PSG2: variants seen among roughly 807,000 people sequenced by gnomAD.
PSG2 encodes the protein pregnancy specific beta-1-glycoprotein 2, also known as pregnancy-specific beta-1-glycoprotein 2.
PSG2 carries 49 observed loss-of-function variants against 36.2 expected under a neutral mutation model. The observed-to-expected ratio is 1.35, with a 90% CI of 1.08 to 1.72. The LOEUF is 1.72. PSG2 is among the 40% of genes most tolerant of loss of function. PSG2 has a pLI of 0.00. For missense variants in PSG2, 605 were observed against 407.2 expected (o/e 1.49, Z -4.18); for synonymous variants, 261 against 155.6 (o/e 1.68, Z -5.04).
chr19:43,077,481 G>C (rs1409521680), intron 2 of PSG2, among the ~76,000 whole-genome samples: 1 of 151,780 alleles, frequency 6.6e-6, no homozygotes, highest in South Asian at 2.1e-4. Context: ...CTTAAGCTCA[G>C]GAAACACCAC....
chr19:43,078,918 G>C (rs1312177085), intron 2 of PSG2, among the ~76,000 whole-genome samples: 1 of 151,534 alleles, frequency 6.6e-6, no homozygotes, highest in Non-Finnish European at 1.5e-5. Context: ...AGCCCTTGAT[G>C]GGAATACAGT....
At chr19:43,066,822 C>T (rs1361710590) in intron 4 of PSG2, among the ~76,000 whole-genome samples, 3 of 151,146 alleles carry the variant, frequency 2.0e-5, no homozygotes, top group Non-Finnish European at 2.9e-5. Context: ...TTCTCTACTG[C>T]ACTCAGATAT....
chr19:43,065,136 A>G (rs1415667645), intron 5 of PSG2, among the ~76,000 whole-genome samples: 1 of 151,792 alleles, frequency 6.6e-6, no homozygotes, highest in Non-Finnish European at 1.5e-5. Flanking sequence ...CGCTCAGCCT[A>G]GAATACTCAT....
intron 4 of PSG2, among the ~76,000 whole-genome samples, chr19:43,067,782 G>T (rs945289548): frequency 2.6e-5 from 4 of 151,312 alleles, no homozygotes; most frequent in Admixed American, 2.6e-4. Context: ...TAAAAGAATG[G>T]TATGAAGAAA....
rs1461778104 is a variant in PSG2, at chr19:43,080,894, G to A, written c.417C>T (p.Thr139=). ...DGTRGVTGYF[T]FTLYLETPKP... ...GGAATCACTTACGGTATAAGGTGAA[G>A]GTGAAATATCCAGTTACTCCTCTAG... Residue 139 remains threonine (T), a synonymous_variant, in exon 2 of 6, where the codon ACC becomes ACT. Transcript: ENST00000406487. 2 of 1,612,268 alleles carry A rather than the reference G, an allele frequency of 1.2e-6. No individual in the cohort carries two copies. Among genetic ancestry groups the A allele is most frequent in the Admixed American group, 3.3e-5 (2 of 59,906 alleles).
rs754557316 is a variant in PSG2, at chr19:43,075,307, G to T, written c.709+47C>A. The T allele has an allele frequency of 3.7e-6, 6 of 1,613,016 alleles. No individual in the cohort carries two copies. The African/African-American group carries it at 6.7e-5, about 18-fold the overall frequency. On this transcript the variant is annotated intron_variant, in intron 3 of 5. Transcript: ENST00000406487. ...TGAGAGGCCTGGCCTCTGGCCATGT[G>T]TATTTGGGATGGCAGTCTGGCCCAC...
At chr19:43,075,265 T>C (rs553004448) in intron 3 of PSG2, 89 bp downstream of exon 3, 2 of 1,610,880 alleles carry the variant, frequency 1.2e-6, no homozygotes, top group East Asian at 2.2e-5. Context: ...GTCTCTGTAC[T>C]TGGACCTGAG....
intron 4 of PSG2, among the ~76,000 whole-genome samples, chr19:43,070,226 T>G (rs1024646797): frequency 6.6e-6 from 1 of 151,526 alleles, no homozygotes; most frequent in South Asian, 2.1e-4. Flanking sequence ...GATGGAAAAA[T>G]TGGAGCTCTA....
In PSG2 at chr19:43,078,215, T is replaced by C. The variant is rs557098654; in HGVS notation, c.431-2583A>G. On this transcript the variant is annotated intron_variant, in intron 2 of 5. Coordinates refer to ENST00000406487, the MANE Select transcript of PSG2 (RefSeq NM_031246.4). ...GGGAGGAATTTAGTTTATGGTTTAA[T>C]TTTGAAGCAAGAATGATAATAGTTC... Among the ~76,000 whole-genome samples, 104 of 151,842 alleles carry C rather than the reference T, an allele frequency of 6.8e-4. 3 individuals carry two copies. The highest frequency in any genetic ancestry group is 2.4e-3 in the African/African-American group (100 of 41,214).
intron 1 of PSG2, 35 bp from the exon 2 acceptor site, chr19:43,081,281 A>G (rs1172279358): frequency 1.9e-6 from 3 of 1,594,794 alleles, no homozygotes; most frequent in African/African-American, 1.4e-5. Flanking sequence ...CAATATTGAG[A>G]CCTATGTATT....
rs1357576854 is a variant in PSG2 at position 43,082,632 on chromosome 19, G to T, written c.-63C>A. 1 of 1,592,424 alleles carries T rather than the reference G, an allele frequency of 6.3e-7. No homozygotes were observed. Among genetic ancestry groups the T allele is most frequent in the Non-Finnish European group, 8.6e-7 (1 of 1,164,414 alleles). Reference sequence around the variant, plus strand: ...AGCCTAGGATCCAGAAACTTCCTGAGCACGGCTGTCAGCTGTGCTGTCCTT... The same window carrying T: ...AGCCTAGGATCCAGAAACTTCCTGATCACGGCTGTCAGCTGTGCTGTCCTT... On this transcript the variant is annotated 5_prime_UTR_variant, in exon 1 of 6. Transcript: ENST00000406487.
In PSG2 at chr19:43,080,897, G is replaced by A; in HGVS notation, c.414C>T (p.Phe138=). ...GDGTRGVTGY[F]TFTLYLETPK... is the part of the protein sequence containing the mutation. ...ATCACTTACGGTATAAGGTGAAGGTGAAATATCCAGTTACTCCTCTAGTCC... is the reference window on the plus strand; with the variant it reads ...ATCACTTACGGTATAAGGTGAAGGTAAAATATCCAGTTACTCCTCTAGTCC... The change falls in exon 2 of 6, where the codon TTC becomes TTT. Residue 138 remains phenylalanine, a synonymous_variant. Coordinates refer to ENST00000406487, the MANE Select transcript of PSG2 (RefSeq NM_031246.4). 6.2e-7 allele frequency: 1 copy of A among 1,612,412 alleles called. No individual in the cohort carries two copies. Among genetic ancestry groups the A allele is most frequent in the Admixed American group, 1.7e-5 (1 of 59,930 alleles).
At chr19:43,067,365 A>T (rs1296825537) in intron 4 of PSG2, among the ~76,000 whole-genome samples, 1 of 150,914 alleles carries the variant, frequency 6.6e-6, no homozygotes. Context: ...ACCAGGCTTG[A>T]TTCTTTGCCC....
In PSG2 at chr19:43,071,777, C is replaced by T. The variant is rs1064934; in HGVS notation, c.887G>A (p.Ser296Asn). 1 of 1,612,676 alleles carries T rather than the reference C, an allele frequency of 6.2e-7. No individual in the cohort carries two copies. The highest frequency in any genetic ancestry group is 2.2e-5 in the East Asian group (1 of 44,872). The change falls in exon 4 of 6, where the codon AGC becomes AAC. Residue 296 changes from serine to asparagine, a missense_variant. Physicochemically the swap from Ser to Asn is conservative, Grantham distance 46. Transcript: ENST00000406487. ...ACGAACAGAGCAAACATAGAGCCCG[C>T]TATGCTTTGTAGTAATTTGGGGGAT... The part of the protein sequence containing the change: ...LFIPQITTKH[S>N]GLYVCSVRNS...
Position 43,080,921 on chromosome 19 carries a change from C to T in PSG2, c.390G>A (p.Gly130=), listed in dbSNP as rs781686835. 6.2e-7 allele frequency: 1 copy of T among 1,612,820 alleles called. No homozygotes were observed. Among genetic ancestry groups the T allele is most frequent in the African/African-American group, 1.3e-5 (1 of 74,452 alleles). ...YTLHIIKRGD[G]TRGVTGYFTF... The stretch of plus-strand genomic sequence containing the variant: ...TGAAATATCCAGTTACTCCTCTAGT[C>T]CCATCACCTCGCTTTATGATGTGTA... The change falls in exon 2 of 6, where the codon GGG becomes GGA. Residue 130 remains glycine (G), a synonymous_variant. Transcript: ENST00000406487.
intron 4 of PSG2, among the ~76,000 whole-genome samples, chr19:43,066,920 T>TC (rs1327336564): frequency 1.3e-5 from 2 of 151,518 alleles, no homozygotes; most frequent in Non-Finnish European, 2.9e-5. Context: ...CATGGTTGCA[T>TC]CTTTTTCTCG....
intron 3 of PSG2, among the ~76,000 whole-genome samples, chr19:43,074,683 T>C (rs1470058126): frequency 6.6e-6 from 1 of 151,724 alleles, no homozygotes; most frequent in Non-Finnish European, 1.5e-5. Context: ...ATTGCCAATG[T>C]TTCAGGGATC....
At chr19:43,072,381 G>A in intron 3 of PSG2, 2 of 1,612,638 alleles carry the variant, frequency 1.2e-6, no homozygotes, top group East Asian at 2.2e-5. Context: ...GGGTCACTGT[G>A]GATGCCACCA....
intron 3 of PSG2, among the ~76,000 whole-genome samples, chr19:43,073,642 T>C (rs867597839): frequency 7.9e-5 from 12 of 151,580 alleles, no homozygotes; most frequent in African/African-American, 2.2e-4. Flanking sequence ...CCAGAGTGAA[T>C]ATGAGAAGAG....
Sources: gnomAD v4.1 joint callset for allele counts (sites outside exome capture counted in the v4.1 genomes callset) on GRCh38, gnomAD v4.1.1 for gene constraint, MANE v1.5 for transcripts, NCBI Gene and HGNC (gene_info 2026-07-23, HGNC 2026-07-21) for gene names.